The following POGLUT2 variants were observed in gnomAD, a reference collection of about 807,000 sequenced individuals.
The protein encoded by POGLUT2 is ER protein 58.
Under a neutral mutation model 57.6 loss-of-function variants are expected in POGLUT2, and 47 were observed. The ratio of observed to expected loss-of-function variants is 0.82; its 90% confidence interval spans 0.65 to 1.04. POGLUT2 has a LOEUF of 1.04. POGLUT2 is among the 50% of genes least tolerant of loss of function. The probability of loss-of-function intolerance (pLI) is 0.00; values close to 1 mark genes in which losing one functional copy is unlikely to be tolerated. For missense variants in POGLUT2, 565 were observed against 614.8 expected, an observed-to-expected ratio of 0.92 and a Z score of 0.86; for synonymous variants, 200 against 218.8, an observed-to-expected ratio of 0.91 and a Z score of 0.76.
chr13:102,791,009 T>C lies in POGLUT2; in HGVS notation c.975A>G (p.Lys325=). The C allele has an allele frequency of 6.2e-7, 1 of 1,614,146 alleles. No homozygotes were observed. The highest frequency in any genetic ancestry group is 8.5e-7 in the Non-Finnish European group (1 of 1,180,014). Residue 325 remains lysine (K), a synonymous_variant, in exon 6 of 10, where the codon AAA becomes AAG. Transcript: ENST00000376004. The part of the protein sequence containing the change: ...ERLELVKLSR[K]HPELIDAAFT... ...AAGCAGCGTCTATGAGTTCTGGGTG[T>C]TTTCTACTGAGTTTAACCAGCTCGA...
At chr13:102,789,926 T>G (rs1181247148) in intron 6 of POGLUT2, among the ~76,000 whole-genome samples, 1 of 152,142 alleles carries the variant, frequency 6.6e-6, no homozygotes, top group African/African-American at 2.4e-5. Flanking sequence ...CCCAGACATA[T>G]GTCTTAAAGA....
chr13:102,796,695 A>ATATATATAT (rs1251600965), intron 2 of POGLUT2, 109 bp downstream of exon 2: 1 of 146,482 alleles, frequency 6.8e-6, no homozygotes, highest in Admixed American at 1.0e-4. Context: ...AAAAAAAAAA[A>ATATATATAT]AAAAATATAT....
intron 6 of POGLUT2, 124 bp downstream of exon 6, chr13:102,790,777 T>G: frequency 1.5e-6 from 1 of 687,460 alleles, no homozygotes; most frequent in South Asian, 1.9e-5. Context: ...GTCTCAATAT[T>G]CGCTCAATTT....
chr13:102,792,332 C>T (rs973207084), intron 4 of POGLUT2, among the ~76,000 whole-genome samples: 3 of 152,156 alleles, frequency 2.0e-5, no homozygotes, highest in Non-Finnish European at 4.4e-5. Flanking sequence ...TACTTTCAAA[C>T]CATTCCACTA....
intron 4 of POGLUT2, among the ~76,000 whole-genome samples, chr13:102,792,636 T>G (rs1014698798): frequency 4.6e-5 from 7 of 151,996 alleles, no homozygotes; most frequent in African/African-American, 1.7e-4. Flanking sequence ...CCCAGAGACA[T>G]GAGGGGAGAA....
intron 7 of POGLUT2, among the ~76,000 whole-genome samples, chr13:102,788,464 A>G (rs1878038235): frequency 6.6e-6 from 1 of 152,218 alleles, no homozygotes; most frequent in Admixed American, 6.5e-5. Context: ...GCCACAGTTT[A>G]GCTTTTTGTT....
chr13:102,793,635 T>C lies in POGLUT2; in HGVS notation c.560A>G (p.Gln187Arg), dbSNP rs766268960. The change falls in exon 3 of 10, where the codon CAG becomes CGG. Residue 187 changes from glutamine to arginine, a missense_variant. Coordinates refer to ENST00000376004, the MANE Select transcript of POGLUT2 (RefSeq NM_024089.3). ...CTTTAAGGTGTAGTGACATAGGCTC[T>C]GCCTCTGTCCAAATCTTTTTGGGAT... ...VEIPKRFGQRQSLCHYTLKDN... is the reference protein window; with the variant it reads ...VEIPKRFGQRRSLCHYTLKDN... The C allele has an allele frequency of 4.3e-6, 7 of 1,613,660 alleles. No homozygotes were observed. Among genetic ancestry groups the C allele is most frequent in the Non-Finnish European group, 5.1e-6 (6 of 1,179,648 alleles).
Position 102,789,089 on chromosome 13 carries a change from T to G in POGLUT2, c.1216A>C (p.Lys406Gln), listed in dbSNP as rs778656713. The G allele has an allele frequency of 5.0e-6, 8 of 1,614,168 alleles. No individual in the cohort carries two copies. In the South Asian group the frequency reaches 8.8e-5, roughly 18 times the overall value. ...EHFYNELQPW[K>Q]HYIPVKSNLS... is the part of the protein sequence containing the mutation. Reference sequence around the variant, plus strand: ...TTGCTCTTAACTGGAATGTAGTGTTTCCAGGGCTGCAGCTCATTGTAAAAA... The same window carrying G: ...TTGCTCTTAACTGGAATGTAGTGTTGCCAGGGCTGCAGCTCATTGTAAAAA... The change falls in exon 7 of 10, where the codon AAA (lysine) becomes CAA (glutamine). Residue 406 changes from lysine (K) to glutamine (Q), a missense_variant. Coordinates refer to ENST00000376004, the MANE Select transcript of POGLUT2 (RefSeq NM_024089.3).
In POGLUT2 at chr13:102,786,285, C is replaced by A. The variant is rs561023980; in HGVS notation, c.1438G>T (p.Val480Leu). The change falls in exon 9 of 10, where the codon GTA becomes TTA. Residue 480 changes from valine to leucine, a missense_variant. Physicochemically the swap from Val to Leu is conservative, Grantham distance 32. Coordinates refer to ENST00000376004, the MANE Select transcript of POGLUT2 (RefSeq NM_024089.3). The stretch of plus-strand genomic sequence containing the variant: ...AGGTCGTCCTCAGTCTGTGGTTCTA[C>A]CCTTTTCATGCCCTCTCGGATTTGG... ...EPQIREGMKR[V>L]EPQTEDDLFP... The A allele has an allele frequency of 1.2e-6, 2 of 1,614,102 alleles. No individual in the cohort carries two copies. The highest frequency in any genetic ancestry group is 2.2e-5 in the East Asian group (1 of 44,882).
chr13:102,798,455 T>C lies in POGLUT2; in HGVS notation c.182+34A>G, dbSNP rs571335794. The C allele has an allele frequency of 1.1e-5, 17 of 1,507,926 alleles. No homozygotes were observed. The East Asian group carries it at 3.7e-4, about 33-fold the overall frequency. The allele number at this position is 1,507,926 out of a possible 1,614,324, so 93.4% of individuals were successfully genotyped here. ...AAGGGAGAAACAGATTTAACCGCCA[T>C]CCAAAATAGGTAAGGAGCCGTTTCT... is the stretch of plus-strand genomic sequence containing the variant. On this transcript the variant is annotated intron_variant, in intron 1 of 9. Transcript: ENST00000376004.
In POGLUT2 at chr13:102,798,802, C is replaced by T. The variant is rs913089016; in HGVS notation, c.-132G>A. On this transcript the variant is annotated 5_prime_UTR_variant, in exon 1 of 10. Coordinates refer to ENST00000376004, the MANE Select transcript of POGLUT2 (RefSeq NM_024089.3). Reference sequence around the variant, plus strand: ...CAACGCGACTGCAAAGGTTGCCGCCCGGCGTGCAGGGCAGGCGCGCGGGTC... The same window carrying T: ...CAACGCGACTGCAAAGGTTGCCGCCTGGCGTGCAGGGCAGGCGCGCGGGTC... 3.6e-5 allele frequency: 35 copies of T among 964,678 alleles called. 1 individual carries two copies. The Admixed American group carries it at 1.0e-3, about 29-fold the overall frequency. The allele number at this position is 964,678 out of a possible 1,614,324, so 59.8% of individuals were successfully genotyped here. A position where few individuals can be genotyped will look rare whatever the true frequency, so the allele number is the denominator to read the frequency against.
At chr13:102,790,823 C>T in intron 6 of POGLUT2, 78 bp downstream of exon 6, 1 of 957,084 alleles carries the variant, frequency 1.0e-6, no homozygotes, top group South Asian at 1.4e-5. Flanking sequence ...AATTTGCAGG[C>T]CTTAATTTCC....
chr13:102,791,835 A>G (rs1372184723), intron 4 of POGLUT2, among the ~76,000 whole-genome samples: 1 of 152,230 alleles, frequency 6.6e-6, no homozygotes, highest in Non-Finnish European at 1.5e-5. Context: ...AGGAAGCCCA[A>G]CACCAACAGC....
intron 8 of POGLUT2, among the ~76,000 whole-genome samples, chr13:102,786,634 A>C (rs1877955548): frequency 6.6e-6 from 1 of 152,056 alleles, no homozygotes; most frequent in Non-Finnish European, 1.5e-5. Flanking sequence ...TTTTGCACAC[A>C]ATCTTCCCTA....
chr13:102,784,865 C>CCTCCT (rs575732058), intron 9 of POGLUT2, among the ~76,000 whole-genome samples: 48 of 152,268 alleles, frequency 3.2e-4, no homozygotes, highest in Middle Eastern at 3.4e-3. Flanking sequence ...TGGCTGGGTA[C>CCTCCT]CTCCTCTCAA....
rs1878197024 is a variant in POGLUT2 at position 102,791,938 on chromosome 13, T to A, written c.673-508A>T. ...ATGTTTTATCTAGTCACAGAAAATG[T>A]TTAGAGTATTTACAAAACAACAGAT... On this transcript the variant is annotated intron_variant, in intron 4 of 9. Coordinates refer to ENST00000376004, the MANE Select transcript of POGLUT2 (RefSeq NM_024089.3). The A allele has an allele frequency of 5.9e-6, 7 of 1,189,518 alleles. No individual in the cohort carries two copies. The Admixed American group carries it at 1.6e-4, about 28-fold the overall frequency. 73.7% of individuals were successfully genotyped at this position (1,189,518 alleles called of 1,614,324 possible). A position where few individuals can be genotyped will look rare whatever the true frequency, so the allele number is the denominator to read the frequency against.
At chr13:102,788,881 G>T in intron 7 of POGLUT2, 131 bp downstream of exon 7, 1 of 778,460 alleles carries the variant, frequency 1.3e-6, no homozygotes, top group South Asian at 1.6e-5. Flanking sequence ...CTATGGGCAG[G>T]CAGCTTCCCA....
intron 1 of POGLUT2, among the ~76,000 whole-genome samples, chr13:102,797,961 T>G (rs1566440260): frequency 6.6e-6 from 1 of 152,258 alleles, no homozygotes; most frequent in Non-Finnish European, 1.5e-5. Flanking sequence ...AGTATGATGT[T>G]AAAGTATTAA....
chr13:102,791,553 A>T, intron 4 of POGLUT2, 123 bp from the exon 5 acceptor site: 11 of 918,298 alleles, frequency 1.2e-5, no homozygotes, highest in Non-Finnish European at 1.8e-5. Flanking sequence ...AGGTAATAAT[A>T]ATTACCTTGG....
Sources: gnomAD v4.1 joint callset for allele counts (sites outside exome capture counted in the v4.1 genomes callset) on GRCh38, gnomAD v4.1.1 for gene constraint, MANE v1.5 for transcripts, NCBI Gene and HGNC (gene_info 2026-07-23, HGNC 2026-07-21) for gene names.